The following RIMBP2 variants were observed in gnomAD, a reference collection of about 807,000 sequenced individuals.
The protein encoded by RIMBP2 is RIMS-binding protein 2.
In RIMBP2, 48 loss-of-function variants were observed where a neutral mutation model predicts 118.6. That is an observed-to-expected ratio of 0.40 (90% CI 0.32 to 0.51). The LOEUF is 0.51. Ranked by LOEUF, RIMBP2 falls within the 20% of genes least tolerant of loss-of-function variation. The probability of loss-of-function intolerance (pLI) is 0.41; values close to 1 mark genes in which losing one functional copy is unlikely to be tolerated. For synonymous variants in RIMBP2, 762 were observed against 742.9 expected (o/e 1.03, Z -0.42); for missense variants, 1,551 against 1,768.3 (o/e 0.88, Z 2.20).
intron 2 of RIMBP2, among the ~76,000 whole-genome samples, chr12:130,535,177 G>C (rs2053878163): frequency 6.6e-6 from 1 of 151,978 alleles, no homozygotes; most frequent in African/African-American, 2.4e-5. Context: ...CTCTGGGGCT[G>C]ATGAATTTAT....
chr12:130,613,261 A>G (rs1424353633), intron 2 of RIMBP2, among the ~76,000 whole-genome samples: 1 of 151,972 alleles, frequency 6.6e-6, no homozygotes, highest in Non-Finnish European at 1.5e-5. Flanking sequence ...GCCCCCAGGT[A>G]CTCCAATTGT....
Position 130,442,101 on chromosome 12 carries a change from G to A in RIMBP2, c.1251C>T (p.Asp417=), listed in dbSNP as rs2078182536. Residue 417 remains aspartate, a synonymous_variant, in exon 11 of 23, where the codon GAC becomes GAT. Coordinates refer to ENST00000690449, the MANE Select transcript of RIMBP2 (RefSeq NM_001393629.1). This position sits in a 1 kb window ranked among gnomAD's most constrained non-coding sequence, Gnocchi z 6.9. The part of the protein sequence containing the change: ...VVVAPSHLRV[D]NITQISAQLS... ...GCTGGGCGGAGATCTGCGTGATGTT[G>A]TCCACCCGCAGGTGGGAGGGGGCCA... 1 of 1,614,156 alleles carries A rather than the reference G, an allele frequency of 6.2e-7. No homozygotes were observed. The highest frequency in any genetic ancestry group is 8.5e-7 in the Non-Finnish European group (1 of 1,180,026).
intron 2 of RIMBP2, among the ~76,000 whole-genome samples, chr12:130,626,325 G>A (rs1434148571): frequency 4.0e-5 from 6 of 151,870 alleles, no homozygotes; most frequent in Non-Finnish European, 8.8e-5. Context: ...CACGACTACC[G>A]CCAGCATCAC....
intron 2 of RIMBP2, among the ~76,000 whole-genome samples, chr12:130,613,409 C>G (rs1450979984): frequency 1.3e-5 from 2 of 152,152 alleles, no homozygotes; most frequent in African/African-American, 4.8e-5. Context: ...TGAGGAAGTC[C>G]AGTGAGCCCA....
intron 2 of RIMBP2, among the ~76,000 whole-genome samples, chr12:130,564,573 A>T (rs1324058183): frequency 1.3e-5 from 2 of 152,232 alleles, no homozygotes; most frequent in Non-Finnish European, 2.9e-5. Context: ...ATTCAGCCTG[A>T]AAAAAGGAAG....
At chr12:130,686,494 C>G (rs776750578) in intron 1 of RIMBP2, among the ~76,000 whole-genome samples, 1 of 152,220 alleles carries the variant, frequency 6.6e-6, no homozygotes, top group Non-Finnish European at 1.5e-5. Context: ...ACCGGAGTCA[C>G]GTTGTGCTGC....
intron 1 of RIMBP2, among the ~76,000 whole-genome samples, chr12:130,706,742 G>A (rs899326511): frequency 6.6e-6 from 1 of 151,978 alleles, no homozygotes; most frequent in Non-Finnish European, 1.5e-5. Flanking sequence ...ACAGGCCTGG[G>A]GTACGGTGAG....
Position 130,446,023 on chromosome 12 carries a change from C to CCG in RIMBP2, c.582-755_582-754insCG, listed in dbSNP as rs1555253091. 6.7e-6 allele frequency among the ~76,000 whole-genome samples: 1 copy of CCG among 149,380 alleles called. No homozygotes were observed. Among genetic ancestry groups the CCG allele is most frequent in the African/African-American group, 2.5e-5 (1 of 40,750 alleles). On this transcript the variant is annotated intron_variant, in intron 9 of 22. Coordinates refer to ENST00000690449, the MANE Select transcript of RIMBP2 (RefSeq NM_001393629.1). The surrounding 1 kb of genome is among the most constrained non-coding windows in gnomAD (Gnocchi z 4.1). ...AACAGACGCATGATTTTATGCTCCC[C>CCG]CCCCCCACACCCCCAGGAATATAAG...
At position 130,621,319 on chromosome 12, in the gene RIMBP2, G is replaced by C. The variant is rs1532025; in HGVS notation, c.-217+7003C>G. 0.31 allele frequency among the ~76,000 whole-genome samples: 46,665 copies of C among 152,044 alleles called. 7,360 individuals carry two copies. Among genetic ancestry groups the C allele is most frequent in the Middle Eastern group, 0.44 (130 of 294 alleles). On this transcript the variant is annotated intron_variant, in intron 2 of 22. Transcript: ENST00000690449. This position sits in a 1 kb window ranked among gnomAD's most constrained non-coding sequence, Gnocchi z 6.6. ...GCTTTTTGGGCCTAACTGTAGATAT[G>C]ATAATACAATGTGGGAACAGCGCCA...
intron 4 of RIMBP2, among the ~76,000 whole-genome samples, chr12:130,487,531 A>C (rs2082591419): frequency 6.6e-6 from 1 of 152,238 alleles, no homozygotes; most frequent in Admixed American, 6.5e-5. Context: ...GAAGCTGAGC[A>C]GATGCTGGTG....
intron 2 of RIMBP2, among the ~76,000 whole-genome samples, chr12:130,575,537 A>T (rs1308590928): frequency 6.6e-6 from 1 of 152,172 alleles, no homozygotes; most frequent in Non-Finnish European, 1.5e-5. Context: ...GCATTCACCT[A>T]TAATAACTAC....
chr12:130,674,593 C>T (rs376954216), intron 1 of RIMBP2, among the ~76,000 whole-genome samples: 8 of 152,178 alleles, frequency 5.3e-5, no homozygotes, highest in Non-Finnish European at 1.0e-4. Context: ...TTACCCCTCA[C>T]GTGGGTTATT....
At chr12:130,665,238 G>GA (rs1382680021) in intron 1 of RIMBP2, among the ~76,000 whole-genome samples, 16 of 151,578 alleles carry the variant, frequency 1.1e-4, no homozygotes, top group Admixed American at 6.6e-5. Flanking sequence ...GCAAATTCCT[G>GA]AAAAAACACA....
At chr12:130,660,464 C>T (rs11061064) in intron 1 of RIMBP2, 30,129 of 150,436 alleles carry the variant, frequency 0.2, 3,458 homozygotes, top group East Asian at 0.29. Flanking sequence ...TGGTGGGAAC[C>T]GTATGAGGGG....
intron 1 of RIMBP2, among the ~76,000 whole-genome samples, chr12:130,714,551 C>A (rs1283917931): frequency 1.3e-5 from 2 of 152,224 alleles, no homozygotes; most frequent in Non-Finnish European, 2.9e-5. Context: ...TCTCCCTGAC[C>A]CAGTTTGCCA....
Position 130,442,705 on chromosome 12 carries a change from G to A in RIMBP2, c.692-45C>T. ...AGTTATCACCCAGCCAACACAGCAG[G>A]GGCCTCGAGGCCCCCAGTGTACTCC... On this transcript the variant is annotated intron_variant, in intron 10 of 22. Transcript: ENST00000690449. The surrounding 1 kb of genome is among the most constrained non-coding windows in gnomAD (Gnocchi z 6.9). 5.9e-6 allele frequency: 9 copies of A among 1,526,666 alleles called. No individual in the cohort carries two copies. Among genetic ancestry groups the A allele is most frequent in the Non-Finnish European group, 8.1e-6 (9 of 1,117,724 alleles). 94.6% of individuals were successfully genotyped at this position (1,526,666 alleles called of 1,614,324 possible).
At chr12:130,490,072 C>T (rs528175320) in intron 4 of RIMBP2, among the ~76,000 whole-genome samples, 5 of 143,870 alleles carry the variant, frequency 3.5e-5, no homozygotes, top group Admixed American at 7.3e-5. Context: ...TGCAGTGAGC[C>T]GAGACTGCAC....
rs1208681821 is a variant in RIMBP2, at chr12:130,617,215, C to G, written c.-217+11107G>C. ...CCGAGTTAGTGCTGCCACCTCCATC[C>G]AGCACACAAGGGATGCAAGGCTTAG... On this transcript the variant is annotated intron_variant, in intron 2 of 22. Coordinates refer to ENST00000690449, the MANE Select transcript of RIMBP2 (RefSeq NM_001393629.1). This position sits in a 1 kb window ranked among gnomAD's most constrained non-coding sequence, Gnocchi z 4.6. Among the ~76,000 whole-genome samples, 1 of 151,974 alleles carries G rather than the reference C, an allele frequency of 6.6e-6. No individual in the cohort carries two copies. The highest frequency in any genetic ancestry group is 1.5e-5 in the Non-Finnish European group (1 of 67,968).
chr12:130,631,829 C>T (rs1262764601), intron 1 of RIMBP2, among the ~76,000 whole-genome samples: 1 of 152,164 alleles, frequency 6.6e-6, no homozygotes, highest in East Asian at 1.9e-4. Flanking sequence ...CCTTTATACA[C>T]TTAATTTTTC....
Sources: gnomAD v4.1 joint callset for allele counts (sites outside exome capture counted in the v4.1 genomes callset) on GRCh38, gnomAD v4.1.1 for gene constraint, Gnocchi (gnomAD v3.1) non-coding constraint, MANE v1.5 for transcripts, NCBI Gene and HGNC (gene_info 2026-07-23, HGNC 2026-07-21) for gene names.